SMYD3: variants seen among roughly 807,000 people sequenced by gnomAD.
SMYD3 encodes the protein SET and MYND domain containing 3.
In SMYD3, 36 loss-of-function variants were observed where a neutral mutation model predicts 57.7. The observed-to-expected ratio is 0.62, with a 90% CI of 0.48 to 0.82. The LOEUF (loss-of-function observed/expected upper bound fraction) is 0.82, where lower values mean the gene tolerates loss of function less well. SMYD3 is among the 40% of genes least tolerant of loss of function. The pLI, the probability that SMYD3 is intolerant of heterozygous loss-of-function variation, is 0.00. For missense variants in SMYD3, 515 were observed against 538.8 expected (o/e 0.96, Z 0.44); for synonymous variants, 211 against 195.0 (o/e 1.08, Z -0.68).
intron 5 of SMYD3, among the ~76,000 whole-genome samples, chr1:246,104,689 G>C (rs1216617766): frequency 6.6e-6 from 1 of 152,104 alleles, no homozygotes. Context: ...AGCAAAGGGA[G>C]TAAAATAAGA....
chr1:246,273,389 A>G (rs1572320556), intron 5 of SMYD3, among the ~76,000 whole-genome samples: 1 of 151,048 alleles, frequency 6.6e-6, no homozygotes, highest in Non-Finnish European at 1.5e-5. Flanking sequence ...ACCTCAAGTG[A>G]CCCACCCACC....
At chr1:246,462,808 G>A (rs1240933248) in intron 1 of SMYD3, among the ~76,000 whole-genome samples, 4 of 152,144 alleles carry the variant, frequency 2.6e-5, no homozygotes, top group Admixed American at 6.5e-5. Flanking sequence ...ATTTTAGGTC[G>A]AAATGAGATA....
At chr1:246,175,871 T>C (rs938845708) in intron 5 of SMYD3, among the ~76,000 whole-genome samples, 8 of 152,212 alleles carry the variant, frequency 5.3e-5, no homozygotes, top group African/African-American at 1.4e-4. Context: ...TCCAAGTATA[T>C]TATACTGTGC....
At chr1:245,887,768 C>T (rs2053169124) in intron 8 of SMYD3, among the ~76,000 whole-genome samples, 1 of 152,108 alleles carries the variant, frequency 6.6e-6, no homozygotes, top group Non-Finnish European at 1.5e-5. Context: ...AGAATGGAAG[C>T]CACCTACAGG....
chr1:245,859,866 G>A lies in SMYD3; in HGVS notation c.902-1196C>T, dbSNP rs117256243. 6.3e-3 allele frequency among the ~76,000 whole-genome samples: 958 copies of A among 152,342 alleles called. 22 individuals are homozygous for A. The highest frequency in any genetic ancestry group is 0.053 in the East Asian group (277 of 5,192). On this transcript the variant is annotated intron_variant, in intron 9 of 11. Transcript: ENST00000490107. ...TGTCATTTATCAGAGTTGAGGTTCT[G>A]AGGAAGTCAAAGTGCTTAATGATAG...
chr1:246,173,753 C>CT (rs2062384868), intron 5 of SMYD3, among the ~76,000 whole-genome samples: 1 of 152,136 alleles, frequency 6.6e-6, no homozygotes, highest in Non-Finnish European at 1.5e-5. Context: ...ATAACAATGC[C>CT]TTCTCTGGAA....
At chr1:246,248,979 T>C (rs1182143543) in intron 5 of SMYD3, among the ~76,000 whole-genome samples, 2 of 149,474 alleles carry the variant, frequency 1.3e-5, no homozygotes, top group Non-Finnish European at 3.0e-5. Flanking sequence ...TTTTACCTAA[T>C]TCACAGTATT....
intron 8 of SMYD3, among the ~76,000 whole-genome samples, chr1:245,910,512 C>A (rs1348611994): frequency 1.3e-5 from 2 of 152,032 alleles, no homozygotes; most frequent in African/African-American, 4.8e-5. Context: ...CATCACGTTA[C>A]CTGACTTGAA....
At chr1:245,847,567 C>G (rs185108332) in intron 10 of SMYD3, among the ~76,000 whole-genome samples, 1 of 152,176 alleles carries the variant, frequency 6.6e-6, no homozygotes, top group East Asian at 1.9e-4. Context: ...TGGCTCCCTA[C>G]AGGGGAAATG....
chr1:245,978,414 A>G (rs1425200678), intron 5 of SMYD3, among the ~76,000 whole-genome samples: 1 of 152,216 alleles, frequency 6.6e-6, no homozygotes, highest in African/African-American at 2.4e-5. Context: ...TTCCCACAAA[A>G]AATAAGTACA....
chr1:246,001,172 C>T (rs142298788), intron 5 of SMYD3, among the ~76,000 whole-genome samples: 16 of 152,198 alleles, frequency 1.1e-4, no homozygotes, highest in Admixed American at 2.0e-4. Flanking sequence ...TAGCTCCAAA[C>T]GCTGCCTTCC....
At chr1:246,419,680 G>T (rs2067113602) in intron 1 of SMYD3, among the ~76,000 whole-genome samples, 1 of 152,184 alleles carries the variant, frequency 6.6e-6, no homozygotes. Context: ...CACAGTCAGT[G>T]GTGGCACTGG....
intron 10 of SMYD3, among the ~76,000 whole-genome samples, chr1:245,851,400 G>C (rs1475890147): frequency 1.3e-5 from 2 of 152,326 alleles, no homozygotes; most frequent in Non-Finnish European, 1.5e-5. Context: ...AATCAACTAT[G>C]ATCTATACAT....
intron 5 of SMYD3, among the ~76,000 whole-genome samples, chr1:246,084,178 T>G (rs1264299359): frequency 6.6e-6 from 1 of 151,500 alleles, no homozygotes; most frequent in Non-Finnish European, 1.5e-5. Flanking sequence ...TGTAAGACAT[T>G]AACCAACTGA....
intron 10 of SMYD3, among the ~76,000 whole-genome samples, chr1:245,843,530 G>GTA (rs146394602): frequency 1.0e-4 from 10 of 97,400 alleles, no homozygotes; most frequent in African/African-American, 5.9e-4. Context: ...ACATGAATGT[G>GTA]TATATATATA....
At chr1:245,821,842 A>G (rs1197873132) in intron 10 of SMYD3, among the ~76,000 whole-genome samples, 4 of 151,196 alleles carry the variant, frequency 2.6e-5, no homozygotes, top group East Asian at 1.9e-4. Context: ...CAAAACCACA[A>G]TGAGATACCA....
chr1:246,041,897 T>C (rs1402117126), intron 5 of SMYD3, among the ~76,000 whole-genome samples: 10 of 152,196 alleles, frequency 6.6e-5, no homozygotes, highest in Non-Finnish European at 1.3e-4. Context: ...TAAAAATTGC[T>C]ACCTGCGTAT....
chr1:246,450,268 GCAACAAA>G (rs2067613118), intron 1 of SMYD3, among the ~76,000 whole-genome samples: 1 of 151,704 alleles, frequency 6.6e-6, no homozygotes, highest in African/African-American at 2.4e-5. Flanking sequence ...TCCAGCCTGG[GCAACAAA>G]AGCGAAACTC....
At chr1:246,485,719 G>A (rs967662958) in intron 1 of SMYD3, among the ~76,000 whole-genome samples, 29 of 152,122 alleles carry the variant, frequency 1.9e-4, no homozygotes, top group African/African-American at 7.0e-4. Context: ...GAGCCCAGGA[G>A]TCCAAAGCTG....
Sources: gnomAD v4.1 joint callset for allele counts (sites outside exome capture counted in the v4.1 genomes callset) on GRCh38, gnomAD v4.1.1 for gene constraint, MANE v1.5 for transcripts, NCBI Gene and HGNC (gene_info 2026-07-23, HGNC 2026-07-21) for gene names.